Variants in UNC13B observed in about 807,000 individuals in gnomAD.
The protein encoded by UNC13B is protein unc-13 homolog B.
Under a neutral mutation model 211.0 loss-of-function variants are expected in UNC13B, and 144 were observed. The observed-to-expected ratio is 0.68, with a 90% CI of 0.60 to 0.78. The LOEUF (loss-of-function observed/expected upper bound fraction) is 0.78. Ranked by LOEUF, UNC13B falls within the 30% of genes least tolerant of loss-of-function variation. The pLI, the probability that UNC13B is intolerant of heterozygous loss-of-function variation, is 0.00. For synonymous variants in UNC13B, 709 were observed against 725.8 expected (o/e 0.98, Z 0.37); for missense variants, 1,777 against 2,002.0 (o/e 0.89, Z 2.14).
At chr9:35,394,489 A>G (rs930587112) in intron 26 of UNC13B, among the ~76,000 whole-genome samples, 2 of 152,148 alleles carry the variant, frequency 1.3e-5, no homozygotes, top group African/African-American at 4.8e-5. Context: ...CCAGCTACTC[A>G]GGAGCCTGAG....
At chr9:35,372,503 G>A (rs1419113568) in intron 13 of UNC13B, among the ~76,000 whole-genome samples, 5 of 143,380 alleles carry the variant, frequency 3.5e-5, no homozygotes, top group African/African-American at 1.0e-4. Flanking sequence ...TTAACTCTCT[G>A]GGCTTGGCAG....
intron 11 of UNC13B, among the ~76,000 whole-genome samples, chr9:35,318,851 A>G (rs965219866): frequency 1.3e-5 from 2 of 152,208 alleles, no homozygotes; most frequent in Admixed American, 6.5e-5. Flanking sequence ...TTAAAATAAC[A>G]AGGGCTTGTT....
intron 11 of UNC13B, among the ~76,000 whole-genome samples, chr9:35,316,809 G>A (rs1045558610): frequency 2.0e-5 from 3 of 151,502 alleles, no homozygotes; most frequent in South Asian, 2.1e-4. Flanking sequence ...TATCTTTTTC[G>A]GCTGTGACAG....
chr9:35,262,312 C>A (rs1050831083), intron 7 of UNC13B, among the ~76,000 whole-genome samples: 2 of 143,758 alleles, frequency 1.4e-5, no homozygotes, highest in African/African-American at 2.6e-5. Flanking sequence ...TCACTTTTCT[C>A]TTTTTTCTTT....
At chr9:35,238,491 C>G (rs1277559408) in intron 5 of UNC13B, among the ~76,000 whole-genome samples, 2 of 151,910 alleles carry the variant, frequency 1.3e-5, no homozygotes, top group African/African-American at 4.8e-5. Flanking sequence ...CTGAACATCG[C>G]TCCATGTTAT....
At chr9:35,291,833 T>C (rs1485737301) in intron 7 of UNC13B, among the ~76,000 whole-genome samples, 1 of 152,170 alleles carries the variant, frequency 6.6e-6, no homozygotes, top group African/African-American at 2.4e-5. Flanking sequence ...GTTTGTCCTG[T>C]CACTGGAATT....
At chr9:35,352,427 A>G in intron 11 of UNC13B, 5 of 1,232,152 alleles carry the variant, frequency 4.1e-6, no homozygotes, top group Non-Finnish European at 4.0e-6. Context: ...CCGAATTGCC[A>G]CCAGAGAAGA....
intron 1 of UNC13B, among the ~76,000 whole-genome samples, chr9:35,217,188 G>A: frequency 6.6e-6 from 1 of 152,128 alleles, no homozygotes; most frequent in East Asian, 1.9e-4. Flanking sequence ...CTATAGTTAT[G>A]TAAGATTTAA....
chr9:35,249,739 G>T (rs1364429203), intron 6 of UNC13B, among the ~76,000 whole-genome samples: 2 of 152,056 alleles, frequency 1.3e-5, no homozygotes, highest in Non-Finnish European at 2.9e-5. Context: ...TAGTCTGATG[G>T]GCTTCCCTTT....
At chr9:35,208,428 G>C (rs527635230) in intron 1 of UNC13B, among the ~76,000 whole-genome samples, 9 of 152,106 alleles carry the variant, frequency 5.9e-5, no homozygotes, top group African/African-American at 2.2e-4. Context: ...GTCTGTTCTC[G>C]TACTGCTATA....
At chr9:35,275,456 G>A (rs1221527605) in intron 7 of UNC13B, among the ~76,000 whole-genome samples, 1 of 152,118 alleles carries the variant, frequency 6.6e-6, no homozygotes, top group Admixed American at 6.5e-5. Flanking sequence ...AGCCACTTGG[G>A]TCTTCTCCCC....
chr9:35,292,681 T>C lies in UNC13B; in HGVS notation c.527-3015T>C, dbSNP rs1326673901. ...TTAGACTGACTCTATATTCTGAGTC[T>C]TCTGTGTTGTTTAGCTTTGGATATG... On this transcript the variant is annotated intron_variant, in intron 7 of 39. Coordinates refer to ENST00000635942, the MANE Select transcript of UNC13B (RefSeq NM_001371189.2). Among the ~76,000 whole-genome samples, 3 of 152,272 alleles carry C rather than the reference T, an allele frequency of 2.0e-5. No homozygotes were observed. In the East Asian group the frequency reaches 5.8e-4, roughly 29 times the overall value.
chr9:35,365,817 C>A (rs73499399), intron 11 of UNC13B, among the ~76,000 whole-genome samples: 12,379 of 152,128 alleles, frequency 0.081, 1,707 homozygotes, highest in African/African-American at 0.28. Flanking sequence ...GGCTCTGGTC[C>A]GTAGGGAGAT....
intron 21 of UNC13B, 120 bp from the exon 22 acceptor site, chr9:35,384,126 C>T: frequency 6.7e-7 from 1 of 1,498,036 alleles, no homozygotes; most frequent in East Asian, 2.3e-5. Context: ...GGATGTGTCT[C>T]CAACCCAATG....
At chr9:35,246,514 A>C (rs866456844) in intron 6 of UNC13B, among the ~76,000 whole-genome samples, 112 of 152,198 alleles carry the variant, frequency 7.4e-4, no homozygotes, top group African/African-American at 2.6e-3. Context: ...ATCCATCTTG[A>C]ATTAATTTTT....
rs140634623 is a variant in UNC13B at position 35,261,741 on chromosome 9, A to G, written c.526+2691A>G. Among the ~76,000 whole-genome samples, 40 of 152,168 alleles carry G rather than the reference A, an allele frequency of 2.6e-4. 1 individual carries two copies. In the East Asian group the frequency reaches 7.7e-3, roughly 29 times the overall value. On this transcript the variant is annotated intron_variant, in intron 7 of 39. Transcript: ENST00000635942. ...ATTCTAGATAACTATTTTTGTACGC[A>G]TTAACCGTCCCTAATCTCCTCTTAC...
At chr9:35,353,630 C>A in intron 11 of UNC13B, 3 of 1,232,082 alleles carry the variant, frequency 2.4e-6, no homozygotes, top group Non-Finnish European at 2.0e-6. Flanking sequence ...TTGTTCCAGG[C>A]CTGGATCTCC....
chr9:35,396,948 G>A lies in UNC13B; in HGVS notation c.11532+11G>A. 2 of 1,614,058 alleles carry A rather than the reference G, an allele frequency of 1.2e-6. No individual in the cohort carries two copies. Among genetic ancestry groups the A allele is most frequent in the Non-Finnish European group, 1.7e-6 (2 of 1,179,926 alleles). On this transcript the variant is annotated intron_variant, in intron 28 of 39. Transcript: ENST00000635942. ...GATAAGAAGGATGGAGTAAGTCAGG[G>A]GCTTTGGCTGCACCGGGTTCAGGCC...
At chr9:35,395,045 A>G (rs554693316) in intron 26 of UNC13B, among the ~76,000 whole-genome samples, 2 of 152,130 alleles carry the variant, frequency 1.3e-5, no homozygotes, top group South Asian at 2.1e-4. Flanking sequence ...GGCCCTCCTG[A>G]TGTTTCTAGG....
Sources: allele counts gnomAD v4.1 joint callset (sites outside exome capture counted in the v4.1 genomes callset), GRCh38; gene constraint gnomAD v4.1.1; transcripts MANE v1.5; gene names NCBI Gene and HGNC (gene_info 2026-07-23, HGNC 2026-07-21).